EVA1A: variants seen among roughly 807,000 people sequenced by gnomAD.
The protein encoded by EVA1A is eva-1 homolog A, regulator of programmed cell death.
EVA1A carries 7 observed loss-of-function variants against 9.8 expected under a neutral mutation model. The ratio of observed to expected loss-of-function variants is 0.71; its 90% CI spans 0.41 to 1.34. EVA1A has a LOEUF of 1.34. Among genes scored for constraint, EVA1A ranks in the 40% most tolerant of loss-of-function variants. The pLI, the probability that EVA1A is intolerant of heterozygous loss-of-function variation, is 0.01. For missense variants in EVA1A, 206 were observed against 205.9 expected (o/e 1.00, Z 0.00); for synonymous variants, 90 against 85.6 (o/e 1.05, Z -0.28).
intron 1 of EVA1A, among the ~76,000 whole-genome samples, chr2:75,556,271 G>A (rs1446796901): frequency 6.6e-6 from 1 of 152,182 alleles, no homozygotes; most frequent in African/African-American, 2.4e-5. Flanking sequence ...AGCTCAAGAC[G>A]TAAATGGGGC....
At chr2:75,520,215 C>T (rs1675187086) in intron 2 of EVA1A, among the ~76,000 whole-genome samples, 1 of 152,188 alleles carries the variant, frequency 6.6e-6, no homozygotes, top group African/African-American at 2.4e-5. Context: ...TTTGGTCACA[C>T]TCTTCCTGTT....
chr2:75,506,364 C>G (rs974063585), intron 3 of EVA1A, among the ~76,000 whole-genome samples: 3 of 152,188 alleles, frequency 2.0e-5, no homozygotes, highest in Non-Finnish European at 4.4e-5. Flanking sequence ...AAGTGTTACA[C>G]TAATTTATCT....
intron 3 of EVA1A, among the ~76,000 whole-genome samples, chr2:75,506,348 T>A (rs530576318): frequency 3.2e-4 from 48 of 152,338 alleles, no homozygotes; most frequent in African/African-American, 1.2e-3. Context: ...CCAAGTGGGT[T>A]TTGAAAAGTG....
intron 1 of EVA1A, among the ~76,000 whole-genome samples, chr2:75,537,584 CCT>C (rs1338759491): frequency 6.6e-6 from 1 of 152,158 alleles, no homozygotes; most frequent in Non-Finnish European, 1.5e-5. Flanking sequence ...ACCCAAAAAA[CCT>C]CCAGGTATGC....
At chr2:75,494,097 C>G (rs1558668576) in intron 3 of EVA1A, among the ~76,000 whole-genome samples, 2 of 152,186 alleles carry the variant, frequency 1.3e-5, no homozygotes, top group Non-Finnish European at 1.5e-5. Context: ...AATCCTCTCC[C>G]CTCAAGTGGT....
intron 1 of EVA1A, 101 bp downstream of exon 1, chr2:75,560,579 C>G (rs1391342492): frequency 1.3e-5 from 2 of 152,398 alleles, no homozygotes; most frequent in African/African-American, 4.8e-5. Flanking sequence ...GTCAGAAGTG[C>G]TCTGGGTGTT....
intron 1 of EVA1A, among the ~76,000 whole-genome samples, chr2:75,555,471 A>G (rs1170886998): frequency 6.6e-6 from 1 of 152,084 alleles, no homozygotes; most frequent in Non-Finnish European, 1.5e-5. Context: ...GGCCACTCAC[A>G]TAGCTCATCA....
chr2:75,524,481 C>T (rs924976804), intron 1 of EVA1A, among the ~76,000 whole-genome samples: 1 of 152,074 alleles, frequency 6.6e-6, no homozygotes, highest in Non-Finnish European at 1.5e-5. Context: ...TCCCAAAGCA[C>T]TCCAACCCTC....
At chr2:75,546,593 G>A (rs1414737153) in intron 1 of EVA1A, among the ~76,000 whole-genome samples, 1 of 152,174 alleles carries the variant, frequency 6.6e-6, no homozygotes, top group Non-Finnish European at 1.5e-5. Context: ...ACACCTTGGA[G>A]AAGGAACTGA....
intron 1 of EVA1A, among the ~76,000 whole-genome samples, chr2:75,547,565 G>C (rs1250781862): frequency 6.6e-6 from 1 of 152,150 alleles, no homozygotes; most frequent in Non-Finnish European, 1.5e-5. Context: ...GAATACCCAA[G>C]ACTTTTTTTT....
At chr2:75,496,934 G>A (rs1674232748) in intron 3 of EVA1A, among the ~76,000 whole-genome samples, 1 of 152,074 alleles carries the variant, frequency 6.6e-6, no homozygotes, top group South Asian at 2.1e-4. Flanking sequence ...ACAGCAAAGG[G>A]GAAAAGATTC....
chr2:75,521,417 A>G (rs924316864), intron 2 of EVA1A, among the ~76,000 whole-genome samples: 19 of 152,234 alleles, frequency 1.2e-4, no homozygotes, highest in African/African-American at 4.3e-4. Context: ...ACAATAGCCA[A>G]AAGGTGGAAG....
At chr2:75,562,921 G>A (rs574295122), upstream of EVA1A, among the ~76,000 whole-genome samples, 20 of 152,320 alleles carry the variant, frequency 1.3e-4, no homozygotes, top group Admixed American at 6.5e-4. Flanking sequence ...AATAGATAGG[G>A]CACAGGTGCC....
chr2:75,507,061 C>T (rs1336977741), intron 3 of EVA1A, among the ~76,000 whole-genome samples: 2 of 152,184 alleles, frequency 1.3e-5, no homozygotes, highest in African/African-American at 4.8e-5. Context: ...ACAAGTCAGC[C>T]AGCTGTCAAG....
intron 1 of EVA1A, among the ~76,000 whole-genome samples, chr2:75,560,003 A>G (rs890797459): frequency 6.6e-5 from 10 of 152,082 alleles, no homozygotes; most frequent in African/African-American, 2.2e-4. Flanking sequence ...CCATGTCCCA[A>G]CGCGCTCCGT....
chr2:75,559,697 T>TGGGGGGGGGGGGGGGG (rs36059976), intron 1 of EVA1A, among the ~76,000 whole-genome samples: 3 of 78,840 alleles, frequency 3.8e-5, no homozygotes, highest in Middle Eastern at 6.3e-3. Context: ...AGAAAGGAGG[T>TGGGGGGGGGGGGGGGG]GGGGGGGGGG....
At chr2:75,520,659 T>C (rs1675201220) in intron 2 of EVA1A, among the ~76,000 whole-genome samples, 1 of 152,134 alleles carries the variant, frequency 6.6e-6, no homozygotes, top group Admixed American at 6.5e-5. Flanking sequence ...AAGGATGAAG[T>C]TGGACCCTTA....
In EVA1A at chr2:75,518,125, T is replaced by G; in HGVS notation, c.16A>C (p.Ser6Arg). The part of the protein sequence containing the change: MRLPL[S>R]HSPEHVEMAL... ...ATCTCCACGTGCTCTGGGCTGTGGC[T>G]GAGGGGCAGCCTCATGGGACATCCA... Residue 6 changes from serine to arginine, a missense_variant, in exon 3 of 4, where the codon AGC (serine) becomes CGC (arginine). Ser to Arg is a moderately radical substitution (Grantham distance 110). Transcript: ENST00000393913. 6.2e-7 allele frequency: 1 copy of G among 1,614,076 alleles called. No homozygotes were observed. Among genetic ancestry groups the G allele is most frequent in the South Asian group, 1.1e-5 (1 of 91,068 alleles).
chr2:75,513,722 C>T (rs894038474), intron 3 of EVA1A, among the ~76,000 whole-genome samples: 2 of 152,160 alleles, frequency 1.3e-5, no homozygotes, highest in African/African-American at 4.8e-5. Flanking sequence ...GAAGGAGATA[C>T]TGCCACTTGT....
Sources: gnomAD v4.1 joint callset for allele counts (sites outside exome capture counted in the v4.1 genomes callset) on GRCh38, gnomAD v4.1.1 for gene constraint, MANE v1.5 for transcripts, NCBI Gene and HGNC (gene_info 2026-07-23, HGNC 2026-07-21) for gene names.